The following ADRA1A variants were observed in gnomAD, a reference collection of about 807,000 sequenced individuals.
The protein encoded by ADRA1A is alpha-1A adrenergic receptor.
In ADRA1A, 31 loss-of-function variants were observed where a neutral mutation model predicts 29.6. The ratio of observed to expected loss-of-function variants is 1.05; its 90% CI spans 0.79 to 1.41. ADRA1A has a LOEUF of 1.41. Ranked by LOEUF, ADRA1A falls within the 40% of genes most tolerant of loss-of-function variation. The pLI is 0.00. For missense variants in ADRA1A, 619 were observed against 601.1 expected (o/e 1.03, Z -0.31); for synonymous variants, 311 against 254.3 (o/e 1.22, Z -2.12).
chr8:26,793,113 G>C (rs746284831), intron 2 of ADRA1A, among the ~76,000 whole-genome samples: 2 of 151,978 alleles, frequency 1.3e-5, no homozygotes, highest in South Asian at 4.2e-4. Context: ...TCATGGAATA[G>C]ACAGGATTAT....
intron 2 of ADRA1A, among the ~76,000 whole-genome samples, chr8:26,758,677 A>G (rs565616265): frequency 8.5e-5 from 13 of 152,312 alleles, no homozygotes; most frequent in African/African-American, 3.1e-4. Flanking sequence ...TCTTCTCTCA[A>G]CACCATTTTC....
Position 26,787,725 on chromosome 8 carries a change from A to G in ADRA1A, c.884-17059T>C, listed in dbSNP as rs765876186. On this transcript the variant is annotated intron_variant, in intron 2 of 2. Transcript: ENST00000380573. This position sits in a 1 kb window ranked among gnomAD's most constrained non-coding sequence, Gnocchi z 4.2. ...ATCCCGACAGCTCACTTGGTAGTTC[A>G]GGGATGAGGGCAAGATTGTTCCCTT... is the stretch of plus-strand genomic sequence containing the variant. Among the ~76,000 whole-genome samples, 24 of 152,066 alleles carry G rather than the reference A, an allele frequency of 1.6e-4. No homozygotes were observed. The highest frequency in any genetic ancestry group is 8.8e-5 in the Non-Finnish European group (6 of 68,006).
At chr8:26,813,042 C>G (rs532135355) in intron 2 of ADRA1A, among the ~76,000 whole-genome samples, 45 of 148,796 alleles carry the variant, frequency 3.0e-4, no homozygotes, top group Non-Finnish European at 6.0e-4. Flanking sequence ...CTCAGAGTTG[C>G]GCTATCGTCT....
chr8:26,760,770 T>C (rs973825285), intron 2 of ADRA1A, among the ~76,000 whole-genome samples: 8 of 152,224 alleles, frequency 5.3e-5, no homozygotes, highest in Admixed American at 5.2e-4. Context: ...TGTCTCTGGG[T>C]AAGCATATGC....
intron 2 of ADRA1A, among the ~76,000 whole-genome samples, chr8:26,858,215 A>T (rs747388804): frequency 6.6e-6 from 1 of 152,262 alleles, no homozygotes; most frequent in Non-Finnish European, 1.5e-5. Context: ...CAGTGGCAAC[A>T]GCAATCAATG....
intron 2 of ADRA1A, among the ~76,000 whole-genome samples, chr8:26,829,403 C>A (rs1163639482): frequency 6.6e-6 from 1 of 152,076 alleles, no homozygotes; most frequent in East Asian, 1.9e-4. Context: ...AAACAATAAG[C>A]TATGTGTGCT....
In ADRA1A at chr8:26,784,157, C is replaced by T. The variant is rs536133300; in HGVS notation, c.884-13491G>A. On this transcript the variant is annotated intron_variant, in intron 2 of 2. Transcript: ENST00000380573. Reference sequence around the variant, plus strand: ...CTATGTAACAAATCTGCACATCCTGCAACATGTACCCCGGAACTTAAAATA... The same window carrying T: ...CTATGTAACAAATCTGCACATCCTGTAACATGTACCCCGGAACTTAAAATA... Among the ~76,000 whole-genome samples the T allele has an allele frequency of 2.7e-4, 41 of 152,266 alleles. No individual in the cohort carries two copies. The South Asian group carries it at 4.2e-3, about 15-fold the overall frequency.
intron 2 of ADRA1A, among the ~76,000 whole-genome samples, chr8:26,784,775 AAAG>A (rs1406523608): frequency 4.6e-5 from 7 of 152,174 alleles, no homozygotes; most frequent in Non-Finnish European, 1.0e-4. Context: ...AAGAATAACT[AAAG>A]AAGAAGGCTG....
Position 26,865,643 on chromosome 8 carries a change from T to G in ADRA1A, c.-674A>C. ...ACCCAGGAGGCTGCGGGGCATCGTT[T>G]GACCGCGTCCACCTGAAAGAGCGCA... On this transcript the variant is annotated 5_prime_UTR_variant, in exon 2 of 3. Transcript: ENST00000380573. This position sits in a 1 kb window ranked among gnomAD's most constrained non-coding sequence, Gnocchi z 7.6. The G allele has an allele frequency of 1.0e-6, 1 of 986,176 alleles. No individual in the cohort carries two copies. Among genetic ancestry groups the G allele is most frequent in the Non-Finnish European group, 1.2e-6 (1 of 830,622 alleles). 61.1% of individuals were successfully genotyped at this position (986,176 alleles called of 1,614,324 possible).
downstream of ADRA1A, among the ~76,000 whole-genome samples, chr8:26,767,797 A>G (rs1805871373): frequency 6.6e-6 from 1 of 152,212 alleles, no homozygotes; most frequent in African/African-American, 2.4e-5. Flanking sequence ...CTCTTCCTGT[A>G]AGGGGGAGTG....
intron 2 of ADRA1A, among the ~76,000 whole-genome samples, chr8:26,839,245 G>A (rs1198751312): frequency 4.8e-5 from 7 of 147,110 alleles, no homozygotes; most frequent in South Asian, 2.2e-4. Flanking sequence ...TGCAACCTCC[G>A]CCTCCCGGGT....
chr8:26,748,576 T>C (rs1417343472), exon 3 of ADRA1A: 4 of 410,618 alleles, frequency 9.7e-6, no homozygotes, highest in African/African-American at 2.1e-5. Flanking sequence ...CCGTCTCTAC[T>C]AAAAATACAA....
chr8:26,855,598 A>T (rs1277117567), intron 2 of ADRA1A, among the ~76,000 whole-genome samples: 2 of 152,142 alleles, frequency 1.3e-5, no homozygotes, highest in African/African-American at 4.8e-5. Flanking sequence ...GGGCAAGAGG[A>T]GGGAGAGCAT....
intron 2 of ADRA1A, among the ~76,000 whole-genome samples, chr8:26,859,390 C>T (rs1813280145): frequency 6.6e-6 from 1 of 152,094 alleles, no homozygotes; most frequent in African/African-American, 2.4e-5. Context: ...AGTGACCTCT[C>T]GGCACAATGA....
chr8:26,810,725 T>A (rs1365478488), intron 2 of ADRA1A, among the ~76,000 whole-genome samples: 2 of 152,212 alleles, frequency 1.3e-5, no homozygotes, highest in African/African-American at 4.8e-5. Context: ...AACCTCAGCA[T>A]GCCCACTCCC....
At position 26,806,767 on chromosome 8, in the gene ADRA1A, C is replaced by T. The variant is rs1809021978; in HGVS notation, c.884-36101G>A. ...AAGGAGGAAATAGGAAGAGCACGTG[C>T]AGTGGCTGCTGCTAGAAGTGGCCTC... On this transcript the variant is annotated intron_variant, in intron 2 of 2. Coordinates refer to ENST00000380573, the MANE Select transcript of ADRA1A (RefSeq NM_000680.4). This position sits in a 1 kb window ranked among gnomAD's most constrained non-coding sequence, Gnocchi z 4.6. 6.6e-6 allele frequency among the ~76,000 whole-genome samples: 1 copy of T among 152,166 alleles called. No homozygotes were observed. Among genetic ancestry groups the T allele is most frequent in the Non-Finnish European group, 1.5e-5 (1 of 68,020 alleles).
intron 2 of ADRA1A, among the ~76,000 whole-genome samples, chr8:26,808,405 C>T (rs1809150848): frequency 6.6e-6 from 1 of 152,156 alleles, no homozygotes; most frequent in Non-Finnish European, 1.5e-5. Context: ...ATTATATACA[C>T]TGTGGAAATG....
intron 2 of ADRA1A, among the ~76,000 whole-genome samples, chr8:26,781,446 G>A (rs1443094201): frequency 6.6e-6 from 1 of 152,172 alleles, no homozygotes; most frequent in Non-Finnish European, 1.5e-5. Flanking sequence ...TTGGTTGATG[G>A]AAGAAAACAA....
Position 26,831,005 on chromosome 8 carries a change from T to C in ADRA1A, c.883+33082A>G, listed in dbSNP as rs1810940565. Among the ~76,000 whole-genome samples the C allele has an allele frequency of 6.6e-6, 1 of 152,306 alleles. No individual in the cohort carries two copies. The highest frequency in any genetic ancestry group is 1.5e-5 in the Non-Finnish European group (1 of 68,022). On this transcript the variant is annotated intron_variant, in intron 2 of 2. Coordinates refer to ENST00000380573, the MANE Select transcript of ADRA1A (RefSeq NM_000680.4). This position sits in a 1 kb window ranked among gnomAD's most constrained non-coding sequence, Gnocchi z 5.2. ...GTAGAAGTGTCTTTGTTCTCATGGATGCACTGTTACTTCCTGGACTTTGGG... is the reference window on the plus strand; with the variant it reads ...GTAGAAGTGTCTTTGTTCTCATGGACGCACTGTTACTTCCTGGACTTTGGG...
Sources: allele counts gnomAD v4.1 joint callset (sites outside exome capture counted in the v4.1 genomes callset), GRCh38; gene constraint gnomAD v4.1.1; non-coding constraint Gnocchi (gnomAD v3.1); transcripts MANE v1.5; gene names NCBI Gene and HGNC (gene_info 2026-07-23, HGNC 2026-07-21).